The following MALRD1 variants were observed in gnomAD, a reference collection of about 807,000 sequenced individuals.
MALRD1 encodes MAM and LDL receptor class A domain containing 1.
A neutral mutation model predicts 242.1 loss-of-function variants in MALRD1; 247 were observed. The ratio of observed to expected loss-of-function variants is 1.02; its 90% CI spans 0.92 to 1.13. The LOEUF (loss-of-function observed/expected upper bound fraction) is 1.13, where lower values mean the gene tolerates loss of function less well. Among genes scored for constraint, MALRD1 ranks in the 50% most tolerant of loss-of-function variants. The pLI is 0.00. For missense variants in MALRD1, 2,989 were observed against 2,533.1 expected, an observed-to-expected ratio of 1.18 and a Z score of -3.86; for synonymous variants, 995 against 866.6, an observed-to-expected ratio of 1.15 and a Z score of -2.60.
At chr10:19,608,425 T>A (rs1312598243) in intron 35 of MALRD1, among the ~76,000 whole-genome samples, 1 of 152,080 alleles carries the variant, frequency 6.6e-6, no homozygotes, top group African/African-American at 2.4e-5. Flanking sequence ...ACAGTATATA[T>A]CTGTCATTAT....
intron 14 of MALRD1, among the ~76,000 whole-genome samples, chr10:19,180,322 C>T (rs1835450458): frequency 1.3e-5 from 2 of 152,190 alleles, no homozygotes; most frequent in Non-Finnish European, 2.9e-5. Flanking sequence ...ACTTTATGAG[C>T]ATCTTTTCTA....
At chr10:19,729,759 C>T (rs1441319899) in intron 38 of MALRD1, among the ~76,000 whole-genome samples, 14 of 83,682 alleles carry the variant, frequency 1.7e-4, no homozygotes, top group South Asian at 8.1e-4. Flanking sequence ...TTTTTTGAGA[C>T]GGAGTCTCGC....
chr10:19,299,457 A>G (rs181364096), intron 21 of MALRD1, among the ~76,000 whole-genome samples: 80 of 152,066 alleles, frequency 5.3e-4, no homozygotes, highest in South Asian at 1.7e-3. Flanking sequence ...AAAGGGTACA[A>G]CTCAACAAGA....
intron 26 of MALRD1, among the ~76,000 whole-genome samples, chr10:19,381,005 C>T (rs1269139219): frequency 6.7e-6 from 1 of 149,984 alleles, no homozygotes; most frequent in Admixed American, 6.6e-5. Context: ...GTGGGCTGCA[C>T]CCACTAAATC....
chr10:19,635,820 A>G (rs1302381778), intron 36 of MALRD1, among the ~76,000 whole-genome samples: 3 of 152,306 alleles, frequency 2.0e-5, no homozygotes, highest in South Asian at 4.1e-4. Flanking sequence ...TAAACTAAAA[A>G]TGCACACCTT....
intron 36 of MALRD1, among the ~76,000 whole-genome samples, chr10:19,648,955 C>T (rs1001900365): frequency 3.3e-5 from 5 of 152,142 alleles, no homozygotes; most frequent in African/African-American, 2.4e-5. Flanking sequence ...AAGTTCTTAT[C>T]ATTGAGCCCC....
chr10:19,355,858 T>TATATA lies in MALRD1; in HGVS notation c.4441+3561_4441+3562insATATA, dbSNP rs57813656. On this transcript the variant is annotated intron_variant, in intron 26 of 39. Coordinates refer to ENST00000454679, the MANE Select transcript of MALRD1 (RefSeq NM_001142308.3). ...AGAACATATATTATATATATATATATTATATATGATATATATTAGCTAAGC... is the reference window on the plus strand; with the variant it reads ...AGAACATATATTATATATATATATATATATATATATATGATATATATTAGCTAAGC... 9.4e-3 allele frequency among the ~76,000 whole-genome samples: 895 copies of TATATA among 94,918 alleles called. 84 individuals carry two copies. The highest frequency in any genetic ancestry group is 0.03 in the African/African-American group (806 of 27,180). 62.3% of individuals were successfully genotyped at this position (94,918 alleles called of 152,430 possible).
intron 5 of MALRD1, among the ~76,000 whole-genome samples, chr10:19,110,511 T>C (rs1836639950): frequency 6.6e-6 from 1 of 152,194 alleles, no homozygotes; most frequent in Non-Finnish European, 1.5e-5. Flanking sequence ...ATAATTAAAG[T>C]GTCGTCCTCA....
At chr10:19,156,462 G>GT (rs36080909) in intron 12 of MALRD1, among the ~76,000 whole-genome samples, 3,924 of 126,508 alleles carry the variant, frequency 0.031, 96 homozygotes, top group African/African-American at 0.073. Flanking sequence ...GATATAGAGC[G>GT]TTTTTTTTTT....
At chr10:19,621,875 C>T (rs1244968545) in intron 36 of MALRD1, among the ~76,000 whole-genome samples, 2 of 151,722 alleles carry the variant, frequency 1.3e-5, no homozygotes, top group African/African-American at 4.8e-5. Context: ...ATTTGGTTGG[C>T]ATTAGACTTC....
chr10:19,239,111 T>A (rs527251473), intron 18 of MALRD1, among the ~76,000 whole-genome samples: 9 of 151,538 alleles, frequency 5.9e-5, no homozygotes, highest in African/African-American at 2.2e-4. Flanking sequence ...CAAGCTGGAG[T>A]GCAGTGGTGC....
intron 29 of MALRD1, among the ~76,000 whole-genome samples, chr10:19,469,750 A>G (rs1023585748): frequency 9.2e-5 from 14 of 152,094 alleles, no homozygotes; most frequent in African/African-American, 3.4e-4. Context: ...TCAGTGTTGC[A>G]TAATCAAAAA....
At chr10:19,664,813 A>G (rs1326972) in intron 36 of MALRD1, among the ~76,000 whole-genome samples, 6,546 of 152,174 alleles carry the variant, frequency 0.043, 191 homozygotes, top group Middle Eastern at 0.092. Flanking sequence ...GTGGGATCAT[A>G]CAGTTTGTTA....
chr10:19,329,712 T>A (rs1843285198), intron 23 of MALRD1, among the ~76,000 whole-genome samples: 1 of 152,188 alleles, frequency 6.6e-6, no homozygotes, highest in Non-Finnish European at 1.5e-5. Context: ...CATGCTACAT[T>A]GTCTACCAAA....
At chr10:19,085,496 A>G (rs1835639550) in intron 2 of MALRD1, among the ~76,000 whole-genome samples, 1 of 152,138 alleles carries the variant, frequency 6.6e-6, no homozygotes, top group South Asian at 2.1e-4. Context: ...ATACAAAGAA[A>G]AAAGTTTATT....
chr10:19,151,202 A>G (rs1254732537), intron 11 of MALRD1, among the ~76,000 whole-genome samples: 1 of 152,008 alleles, frequency 6.6e-6, no homozygotes, highest in Admixed American at 6.6e-5. Context: ...AGTGTTTCCA[A>G]TGTCTCAATT....
intron 1 of MALRD1, 23 bp from the exon 2 acceptor site, chr10:19,066,696 C>T (rs1198601711): frequency 8.1e-7 from 1 of 1,233,302 alleles, no homozygotes; most frequent in East Asian, 3.2e-5. Flanking sequence ...TTGTGAAAAC[C>T]AACTTTTCTT....
chr10:19,366,438 C>G (rs1234366080), intron 26 of MALRD1, among the ~76,000 whole-genome samples: 1 of 152,120 alleles, frequency 6.6e-6, no homozygotes, highest in Non-Finnish European at 1.5e-5. Context: ...TGAAGCTTAG[C>G]TCACTTGCCC....
intron 32 of MALRD1, among the ~76,000 whole-genome samples, chr10:19,561,063 T>A (rs1335440784): frequency 1.3e-5 from 2 of 152,144 alleles, no homozygotes; most frequent in African/African-American, 4.8e-5. Flanking sequence ...GAATTGGGCA[T>A]TTGAGAAATA....
Sources: gnomAD v4.1 joint callset for allele counts (sites outside exome capture counted in the v4.1 genomes callset) on GRCh38, gnomAD v4.1.1 for gene constraint, MANE v1.5 for transcripts, NCBI Gene and HGNC (gene_info 2026-07-23, HGNC 2026-07-21) for gene names.